The following TOR1AIP1 variants were observed in gnomAD, a reference collection of about 807,000 sequenced individuals.
The protein encoded by TOR1AIP1 is torsin 1A interacting protein 1.
In TOR1AIP1, 54 loss-of-function variants were observed where a neutral mutation model predicts 63.3. That is an observed-to-expected ratio of 0.85 (90% CI 0.69 to 1.07). The LOEUF (loss-of-function observed/expected upper bound fraction) is 1.07, where lower values mean the gene tolerates loss of function less well. Ranked by LOEUF, TOR1AIP1 falls within the 50% of genes least tolerant of loss-of-function variation. TOR1AIP1 has a pLI of 0.00. For missense variants in TOR1AIP1, 736 were observed against 715.0 expected, an observed-to-expected ratio of 1.03 and a Z score of -0.33; for synonymous variants, 294 against 273.5, an observed-to-expected ratio of 1.07 and a Z score of -0.74.
chr1:179,895,440 C>G (rs1222140874), intron 3 of TOR1AIP1, among the ~76,000 whole-genome samples: 1 of 152,044 alleles, frequency 6.6e-6, no homozygotes. Flanking sequence ...AACCTCGTCT[C>G]TACAAAAAAA....
chr1:179,903,005 C>CAA (rs775587306), intron 5 of TOR1AIP1, among the ~76,000 whole-genome samples: 1 of 135,988 alleles, frequency 7.4e-6, no homozygotes, highest in Non-Finnish European at 1.6e-5. Context: ...GACTCCATCT[C>CAA]AAAAAAAAAA....
rs1323643984 is a variant in TOR1AIP1 at position 179,919,119 on chromosome 1, C to T, written c.*880C>T. On this transcript the variant is annotated 3_prime_UTR_variant, in exon 10 of 10. Transcript: ENST00000606911. ...TCTCTACTAAAAATACAAAAATTAG[C>T]TGGGCGTGGTGGTGCATGCCTGAAA... 1.3e-5 allele frequency: 2 copies of T among 152,182 alleles called. No individual in the cohort carries two copies. Among genetic ancestry groups the T allele is most frequent in the African/African-American group, 4.8e-5 (2 of 41,422 alleles). 9.4% of individuals were successfully genotyped at this position (152,182 alleles called of 1,614,324 possible).
intron 3 of TOR1AIP1, among the ~76,000 whole-genome samples, chr1:179,893,806 C>CA (rs1406517864): frequency 6.6e-6 from 1 of 152,174 alleles, no homozygotes; most frequent in African/African-American, 2.4e-5. Context: ...AATTGGCCTA[C>CA]AATCTTTTTA....
At chr1:179,900,548 A>G (rs1648423896) in intron 4 of TOR1AIP1, 1 of 146,090 alleles carries the variant, frequency 6.8e-6, no homozygotes, top group Non-Finnish European at 1.5e-5. Flanking sequence ...TGGGCAACCT[A>G]GTGAGAGCCC....
Position 179,901,326 on chromosome 1 carries a change from A to C in TOR1AIP1, c.677A>C (p.Asp226Ala). Residue 226 changes from aspartate to alanine, a missense_variant, in exon 5 of 10, where the codon GAC (aspartate) becomes GCC (alanine). By Grantham distance (126) the Asp-to-Ala change is moderately radical. This residue lies in a region of TOR1AIP1 where 464 missense variants were observed against 371.0 expected (regional missense o/e 1.25). Coordinates refer to ENST00000606911, the MANE Select transcript of TOR1AIP1 (RefSeq NM_015602.4). ...GGAGAAACTGAAGAAGATGATCAAG[A>C]CAGCTCTCACAGCAGTGTCACTACT... The part of the protein sequence containing the change: ...EEGETEEDDQ[D>A]SSHSSVTTVK... 1.9e-6 allele frequency: 3 copies of C among 1,611,356 alleles called. No homozygotes were observed. Among genetic ancestry groups the C allele is most frequent in the Non-Finnish European group, 2.5e-6 (3 of 1,178,398 alleles).
At chr1:179,889,220 C>A in intron 2 of TOR1AIP1, 93 bp from the exon 3 acceptor site, 1 of 1,022,474 alleles carries the variant, frequency 9.8e-7, no homozygotes, top group Non-Finnish European at 1.4e-6. Flanking sequence ...CTCTGTAAAC[C>A]TTTGTTGAAT....
intron 3 of TOR1AIP1, among the ~76,000 whole-genome samples, chr1:179,889,990 A>G (rs1225877146): frequency 2.0e-5 from 3 of 152,164 alleles, no homozygotes; most frequent in Non-Finnish European, 2.9e-5. Context: ...CTTAACATAT[A>G]TACAGAGATA....
Position 179,899,548 on chromosome 1 carries a change from G to C in TOR1AIP1, c.611-578G>C, listed in dbSNP as rs1648382916. ...GAATATAGCAAACCTATACACACTA[G>C]AATATTTGTCAATGTAGAATTTAAT... On this transcript the variant is annotated intron_variant, in intron 3 of 9. Transcript: ENST00000606911. 2.0e-5 allele frequency among the ~76,000 whole-genome samples: 3 copies of C among 152,114 alleles called. No individual in the cohort carries two copies. The South Asian group carries it at 6.2e-4, about 31-fold the overall frequency.
chr1:179,883,683 C>CA (rs1410631044), intron 1 of TOR1AIP1: 1 of 456,264 alleles, frequency 2.2e-6, no homozygotes, highest in Non-Finnish European at 4.4e-6. Flanking sequence ...TCTGGCAAAT[C>CA]AGACTGACAA....
intron 3 of TOR1AIP1, among the ~76,000 whole-genome samples, chr1:179,895,932 A>C (rs753311093): frequency 2.0e-5 from 3 of 152,096 alleles, no homozygotes; most frequent in Non-Finnish European, 4.4e-5. Context: ...AAAAAAAACA[A>C]AAACAAAAAA....
intron 9 of TOR1AIP1, among the ~76,000 whole-genome samples, chr1:179,916,041 G>C (rs901125962): frequency 1.3e-5 from 2 of 152,146 alleles, no homozygotes; most frequent in African/African-American, 4.8e-5. Context: ...CATTTGTTCA[G>C]AAAGAATATT....
At chr1:179,917,115 A>C (rs1649045105) in intron 9 of TOR1AIP1, among the ~76,000 whole-genome samples, 1 of 152,040 alleles carries the variant, frequency 6.6e-6, no homozygotes, top group Non-Finnish European at 1.5e-5. Context: ...TATTCTCCCA[A>C]CTATTAGCAG....
At position 179,908,692 on chromosome 1, in the gene TOR1AIP1, GTTA is replaced by G. The variant is rs1316312827; in HGVS notation, c.907+22_907+24del. On this transcript the variant is annotated intron_variant, in intron 8 of 9. Transcript: ENST00000606911. ...ATGCAAAGTAAGTAGATAAATCTCT[GTTA>G]TTGAAATAATCTTGTGTATTTGCTA... is the stretch of plus-strand genomic sequence containing the variant. 3.8e-6 allele frequency: 6 copies of G among 1,596,372 alleles called. No homozygotes were observed. Among genetic ancestry groups the G allele is most frequent in the Non-Finnish European group, 5.1e-6 (6 of 1,166,146 alleles).
At chr1:179,916,673 A>T in intron 9 of TOR1AIP1, among the ~76,000 whole-genome samples, 1 of 151,124 alleles carries the variant, frequency 6.6e-6, no homozygotes, top group Non-Finnish European at 1.5e-5. Context: ...AACACGTAGA[A>T]GATGTTCATT....
At chr1:179,904,197 T>C (rs1648553169) in intron 6 of TOR1AIP1, among the ~76,000 whole-genome samples, 175 bp downstream of exon 6, 1 of 152,230 alleles carries the variant, frequency 6.6e-6, no homozygotes, top group Non-Finnish European at 1.5e-5. Flanking sequence ...TGAGTTATTA[T>C]TCTCTATACC....
chr1:179,912,531 T>G lies in TOR1AIP1; in HGVS notation c.908-1467T>G, dbSNP rs149310919. Among the ~76,000 whole-genome samples, 779 of 152,318 alleles carry G rather than the reference T, an allele frequency of 5.1e-3. 7 individuals carry two copies. Among genetic ancestry groups the G allele is most frequent in the African/African-American group, 0.018 (751 of 41,576 alleles). On this transcript the variant is annotated intron_variant, in intron 8 of 9. Coordinates refer to ENST00000606911, the MANE Select transcript of TOR1AIP1 (RefSeq NM_015602.4). Reference sequence around the variant, plus strand: ...TCCTTCATCATTAACATCATAGAATTGCACTTCACAGCATTTTTGTATATA... The same window carrying G: ...TCCTTCATCATTAACATCATAGAATGGCACTTCACAGCATTTTTGTATATA...
chr1:179,883,195 TG>T (rs1647796214), intron 1 of TOR1AIP1: 2 of 590,036 alleles, frequency 3.4e-6, no homozygotes, highest in Non-Finnish European at 6.0e-6. Context: ...GATGGTCGTG[TG>T]GAGCGACCCG....
chr1:179,904,099 G>T, intron 6 of TOR1AIP1, 77 bp downstream of exon 6: 1 of 1,082,742 alleles, frequency 9.2e-7, no homozygotes, highest in Non-Finnish European at 1.3e-6. Context: ...ATCCTCTTTT[G>T]AAATTTAACG....
chr1:179,915,282 T>G (rs976928147), intron 9 of TOR1AIP1, among the ~76,000 whole-genome samples: 5 of 152,252 alleles, frequency 3.3e-5, no homozygotes, highest in Admixed American at 3.3e-4. Flanking sequence ...ACTGAGCTTT[T>G]AGTACTCTAT....
Sources: gnomAD v4.1 joint callset for allele counts (sites outside exome capture counted in the v4.1 genomes callset) on GRCh38, gnomAD v4.1.1 for gene constraint, gnomAD v4.1.1 regional missense constraint, MANE v1.5 for transcripts, NCBI Gene and HGNC (gene_info 2026-07-23, HGNC 2026-07-21) for gene names.